The following TMEM132D variants were observed in gnomAD, a reference collection of about 807,000 sequenced individuals.
TMEM132D encodes transmembrane protein 132D.
TMEM132D carries 21 observed loss-of-function variants against 62.3 expected under a neutral mutation model. That is an observed-to-expected ratio of 0.34 (90% CI 0.24 to 0.49). The LOEUF is 0.49. TMEM132D is among the 20% of genes least tolerant of loss of function. The pLI is 0.99. For synonymous variants in TMEM132D, 621 were observed against 575.6 expected (o/e 1.08, Z -1.13); for missense variants, 1,346 against 1,402.8 (o/e 0.96, Z 0.65).
intron 5 of TMEM132D, among the ~76,000 whole-genome samples, chr12:129,153,776 A>G (rs1877148522): frequency 6.6e-6 from 1 of 152,000 alleles, no homozygotes; most frequent in Non-Finnish European, 1.5e-5. Flanking sequence ...CATCAGGCGG[A>G]CGTGATTGCA....
intron 5 of TMEM132D, among the ~76,000 whole-genome samples, chr12:129,118,672 A>T (rs1328668466): frequency 6.6e-6 from 1 of 152,250 alleles, no homozygotes; most frequent in East Asian, 1.9e-4. Flanking sequence ...TATCAAAAAA[A>T]GATCTTTAGT....
chr12:129,244,257 G>A (rs1437772062), intron 4 of TMEM132D, among the ~76,000 whole-genome samples: 2 of 151,584 alleles, frequency 1.3e-5, no homozygotes, highest in Admixed American at 6.6e-5. Flanking sequence ...GTGGTGGCGG[G>A]CGCCTGTAGT....
At chr12:129,829,378 A>T (rs1370700944) in intron 1 of TMEM132D, among the ~76,000 whole-genome samples, 1 of 152,056 alleles carries the variant, frequency 6.6e-6, no homozygotes, top group Non-Finnish European at 1.5e-5. Flanking sequence ...TGGCAATAAG[A>T]CTTGTGAAAT....
chr12:129,750,800 G>A (rs1314046661), intron 1 of TMEM132D, among the ~76,000 whole-genome samples: 1 of 151,928 alleles, frequency 6.6e-6, no homozygotes, highest in African/African-American at 2.4e-5. Flanking sequence ...TCACAATAAT[G>A]TATATTTTGA....
intron 4 of TMEM132D, among the ~76,000 whole-genome samples, chr12:129,321,121 G>A (rs372123190): frequency 4.1e-4 from 62 of 152,068 alleles, no homozygotes; most frequent in African/African-American, 1.4e-3. Context: ...GAAAAGCATG[G>A]GTTTCCCTAA....
rs60404017 is a variant in TMEM132D at position 129,732,540 on chromosome 12, T to G, written c.80-31842A>C. On this transcript the variant is annotated intron_variant, in intron 1 of 8. Coordinates refer to ENST00000422113, the MANE Select transcript of TMEM132D (RefSeq NM_133448.3). ...AATGGCCAGATCTGGTCATGTAAAA[T>G]TGTGTGGCACCTCCCTCCACCTTGC... Among the ~76,000 whole-genome samples the G allele has an allele frequency of 7.0e-3, 1,064 of 152,148 alleles. 11 individuals carry two copies. Among genetic ancestry groups the G allele is most frequent in the African/African-American group, 0.025 (1,029 of 41,494 alleles).
At chr12:129,297,173 G>A (rs1029102520) in intron 4 of TMEM132D, among the ~76,000 whole-genome samples, 3 of 152,202 alleles carry the variant, frequency 2.0e-5, no homozygotes, top group Non-Finnish European at 2.9e-5. Flanking sequence ...GGAGTTTGTT[G>A]CCACAGTAGC....
At chr12:129,453,070 G>A (rs1483191739) in intron 3 of TMEM132D, among the ~76,000 whole-genome samples, 1 of 152,168 alleles carries the variant, frequency 6.6e-6, no homozygotes, top group African/African-American at 2.4e-5. Context: ...TCTCATAGGA[G>A]CACAAACCCT....
intron 5 of TMEM132D, chr12:129,085,118 G>A (rs959929432): frequency 2.0e-5 from 5 of 251,700 alleles, no homozygotes; most frequent in East Asian, 8.4e-5. Context: ...AGAAGCCCAG[G>A]CTGTTTGCCT....
At chr12:129,156,717 A>G (rs957214260) in intron 5 of TMEM132D, among the ~76,000 whole-genome samples, 1 of 151,662 alleles carries the variant, frequency 6.6e-6, no homozygotes, top group Non-Finnish European at 1.5e-5. Context: ...CACTCCTGTG[A>G]TAACCCACTC....
At chr12:129,402,375 TG>T (rs1008377505) in intron 3 of TMEM132D, among the ~76,000 whole-genome samples, 3 of 152,206 alleles carry the variant, frequency 2.0e-5, no homozygotes, top group African/African-American at 7.2e-5. Flanking sequence ...GAAGATTGGC[TG>T]TAATCATCCG....
intron 1 of TMEM132D, among the ~76,000 whole-genome samples, chr12:129,816,808 T>C (rs1410895170): frequency 6.6e-6 from 1 of 152,224 alleles, no homozygotes; most frequent in East Asian, 1.9e-4. Context: ...CAGCATTTGC[T>C]AAAACGAACG....
At chr12:129,462,832 A>G (rs183412754) in intron 3 of TMEM132D, among the ~76,000 whole-genome samples, 1,551 of 152,284 alleles carry the variant, frequency 0.01, 11 homozygotes, top group Admixed American at 0.023. Context: ...AACCCATTGG[A>G]TTCCAAGCCT....
chr12:129,734,840 A>T (rs1263781463), intron 1 of TMEM132D, among the ~76,000 whole-genome samples: 1 of 152,172 alleles, frequency 6.6e-6, no homozygotes, highest in Admixed American at 6.5e-5. Context: ...TAAATTTCTG[A>T]ATTTAAACAA....
intron 4 of TMEM132D, among the ~76,000 whole-genome samples, chr12:129,222,238 C>A (rs1366530184): frequency 6.6e-6 from 1 of 152,186 alleles, no homozygotes; most frequent in Non-Finnish European, 1.5e-5. Context: ...CTTCTCAAAG[C>A]CATTGAAACA....
intron 2 of TMEM132D, among the ~76,000 whole-genome samples, chr12:129,656,898 G>C (rs1379065177): frequency 6.6e-6 from 1 of 152,150 alleles, no homozygotes; most frequent in Non-Finnish European, 1.5e-5. Flanking sequence ...CTCACTGTCT[G>C]ATGGAGACCT....
At chr12:129,308,015 T>C (rs190165675) in intron 4 of TMEM132D, among the ~76,000 whole-genome samples, 1 of 152,338 alleles carries the variant, frequency 6.6e-6, no homozygotes, top group East Asian at 1.9e-4. Context: ...CTTCCAGTTC[T>C]TTCTCTCCTT....
At chr12:129,478,831 G>A (rs1428793947) in intron 3 of TMEM132D, among the ~76,000 whole-genome samples, 1 of 152,182 alleles carries the variant, frequency 6.6e-6, no homozygotes, top group African/African-American at 2.4e-5. Context: ...GAAAGGGACT[G>A]AAGCTAGAAT....
intron 1 of TMEM132D, among the ~76,000 whole-genome samples, chr12:129,792,505 G>C (rs1041353175): frequency 2.6e-5 from 4 of 152,118 alleles, no homozygotes; most frequent in Non-Finnish European, 5.9e-5. Flanking sequence ...TCATCGTCCG[G>C]TACATATTTA....
Sources: gnomAD v4.1 joint callset for allele counts (sites outside exome capture counted in the v4.1 genomes callset) on GRCh38, gnomAD v4.1.1 for gene constraint, MANE v1.5 for transcripts, NCBI Gene and HGNC (gene_info 2026-07-23, HGNC 2026-07-21) for gene names.